FHOD3: variants seen among roughly 807,000 people sequenced by gnomAD.
FHOD3 encodes the protein FH1/FH2 domain-containing protein 3.
Under a neutral mutation model 173.0 loss-of-function variants are expected in FHOD3, and 90 were observed. The observed-to-expected ratio is 0.52, with a 90% confidence interval of 0.44 to 0.62. The LOEUF (loss-of-function observed/expected upper bound fraction) is 0.62. Among genes scored for constraint, FHOD3 ranks in the 20% least tolerant of loss-of-function variants. The probability of loss-of-function intolerance (pLI) is 0.00; values close to 1 mark genes in which losing one functional copy is unlikely to be tolerated. For missense variants in FHOD3, 1,945 were observed against 2,034.7 expected, an observed-to-expected ratio of 0.96 and a Z score of 0.85; for synonymous variants, 828 against 823.0, an observed-to-expected ratio of 1.01 and a Z score of -0.10.
intron 28 of FHOD3, chr18:36,778,563 A>C (rs1266367396): frequency 6.6e-6 from 1 of 152,204 alleles, no homozygotes; most frequent in African/African-American, 2.4e-5. Context: ...TTTGATGTTG[A>C]AATTGAAATA....
intron 14 of FHOD3, among the ~76,000 whole-genome samples, chr18:36,663,803 A>G (rs1459392342): frequency 6.6e-6 from 1 of 152,140 alleles, no homozygotes; most frequent in African/African-American, 2.4e-5. Flanking sequence ...CCTTTTGACT[A>G]CCACCCTGTG....
chr18:36,744,746 T>C (rs1156472486), intron 23 of FHOD3, among the ~76,000 whole-genome samples: 3 of 152,242 alleles, frequency 2.0e-5, no homozygotes, highest in African/African-American at 7.2e-5. Flanking sequence ...GCAGAGTTAA[T>C]ATCTTCATGA....
intron 10 of FHOD3, among the ~76,000 whole-genome samples, chr18:36,645,941 T>G (rs2035650196): frequency 6.6e-6 from 1 of 152,140 alleles, no homozygotes; most frequent in Admixed American, 6.5e-5. Flanking sequence ...AGAAGGAAAT[T>G]TTTTAATGAA....
chr18:36,746,135 A>C (rs2042146667), intron 23 of FHOD3, among the ~76,000 whole-genome samples: 1 of 151,978 alleles, frequency 6.6e-6, no homozygotes, highest in South Asian at 2.1e-4. Flanking sequence ...AGAAAACCTC[A>C]TCTCAGTCTC....
At chr18:36,570,306 C>T (rs976643742) in intron 5 of FHOD3, among the ~76,000 whole-genome samples, 3 of 152,012 alleles carry the variant, frequency 2.0e-5, no homozygotes, top group African/African-American at 7.2e-5. Flanking sequence ...TTAAATGGAT[C>T]ATTTCCTTAA....
chr18:36,369,621 A>T (rs2146031320), intron 2 of FHOD3, among the ~76,000 whole-genome samples: 1 of 152,174 alleles, frequency 6.6e-6, no homozygotes, highest in Non-Finnish European at 1.5e-5. Flanking sequence ...TATATATGTT[A>T]TATACATGTA....
intron 18 of FHOD3, among the ~76,000 whole-genome samples, chr18:36,713,662 AAAAAG>A (rs1410127181): frequency 2.0e-5 from 3 of 152,220 alleles, no homozygotes; most frequent in Non-Finnish European, 4.4e-5. Context: ...TGTTTGTAAC[AAAAAG>A]AAAAGACAAT....
intron 28 of FHOD3, among the ~76,000 whole-genome samples, chr18:36,776,821 C>T (rs1461480374): frequency 1.3e-5 from 2 of 152,170 alleles, no homozygotes; most frequent in Admixed American, 1.3e-4. Flanking sequence ...AGGCTCTGTG[C>T]TGTCAGGTAG....
chr18:36,776,554 A>C (rs917156520), intron 28 of FHOD3, among the ~76,000 whole-genome samples: 12 of 152,238 alleles, frequency 7.9e-5, no homozygotes, highest in African/African-American at 2.7e-4. Context: ...TCATTACACC[A>C]AGGGGATAAC....
chr18:36,585,532 C>T (rs2058998136), intron 6 of FHOD3, among the ~76,000 whole-genome samples: 1 of 151,924 alleles, frequency 6.6e-6, no homozygotes, highest in South Asian at 2.1e-4. Flanking sequence ...GGCCAGGCCT[C>T]AAAGAGGGCA....
intron 23 of FHOD3, 67 bp from the exon 24 acceptor site, chr18:36,746,878 T>TG: frequency 1.6e-6 from 2 of 1,266,920 alleles, no homozygotes; most frequent in Non-Finnish European, 2.2e-6. Flanking sequence ...AGAGGCAGTT[T>TG]TGTCTCTCAG....
At chr18:36,708,406 A>G (rs754040) in intron 17 of FHOD3, among the ~76,000 whole-genome samples, 1 of 152,026 alleles carries the variant, frequency 6.6e-6, no homozygotes, top group Non-Finnish European at 1.5e-5. Context: ...CTAAACAGGC[A>G]AAAAGGTTAT....
intron 15 of FHOD3, 46 bp from the exon 16 acceptor site, chr18:36,687,082 C>A (rs746981501): frequency 9.9e-6 from 14 of 1,413,606 alleles, no homozygotes; most frequent in Non-Finnish European, 1.4e-5. Flanking sequence ...GTATCTAATT[C>A]TGTTACTTTC....
At chr18:36,662,436 A>G (rs2036873686) in intron 14 of FHOD3, among the ~76,000 whole-genome samples, 1 of 152,136 alleles carries the variant, frequency 6.6e-6, no homozygotes, top group Non-Finnish European at 1.5e-5. Context: ...CTGAAACCCA[A>G]AGGATCATAT....
intron 2 of FHOD3, among the ~76,000 whole-genome samples, chr18:36,361,023 C>T (rs774539733): frequency 6.6e-6 from 1 of 152,094 alleles, no homozygotes; most frequent in South Asian, 2.1e-4. Flanking sequence ...GAGAGAGATT[C>T]TGATGAGGGT....
At chr18:36,686,311 G>A (rs2155916) in intron 15 of FHOD3, among the ~76,000 whole-genome samples, 3,699 of 151,982 alleles carry the variant, frequency 0.024, 156 homozygotes, top group African/African-American at 0.085. Flanking sequence ...CAAGGACATG[G>A]ATGGCACTGG....
chr18:36,367,074 A>C (rs1170280883), intron 2 of FHOD3, among the ~76,000 whole-genome samples: 1 of 152,232 alleles, frequency 6.6e-6, no homozygotes, highest in Non-Finnish European at 1.5e-5. Flanking sequence ...CCCTTGAGAC[A>C]CAGGGTCAGA....
At chr18:36,576,825 G>A (rs768144335) in intron 6 of FHOD3, among the ~76,000 whole-genome samples, 2 of 152,138 alleles carry the variant, frequency 1.3e-5, no homozygotes, top group South Asian at 2.1e-4. Context: ...CCATAGGGCC[G>A]GGCGTGGTGG....
intron 1 of FHOD3, among the ~76,000 whole-genome samples, chr18:36,322,561 T>C (rs980011077): frequency 3.9e-5 from 6 of 151,924 alleles, no homozygotes; most frequent in African/African-American, 1.2e-4. Flanking sequence ...GCAGGTTCCA[T>C]GGGGGATTGG....
Sources: gnomAD v4.1 joint callset for allele counts (sites outside exome capture counted in the v4.1 genomes callset) on GRCh38, gnomAD v4.1.1 for gene constraint, MANE v1.5 for transcripts, NCBI Gene and HGNC (gene_info 2026-07-23, HGNC 2026-07-21) for gene names.